Variants in NCOA7 observed in about 807,000 individuals in gnomAD.
NCOA7 encodes 140 kDa estrogen receptor-associated protein.
Under a neutral mutation model 104.3 loss-of-function variants are expected in NCOA7, and 45 were observed. The ratio of observed to expected loss-of-function variants is 0.43; its 90% CI spans 0.34 to 0.55. The LOEUF is 0.55. Ranked by LOEUF, NCOA7 falls within the 20% of genes least tolerant of loss-of-function variation. NCOA7 has a pLI of 0.02. For synonymous variants in NCOA7, 398 were observed against 402.3 expected (o/e 0.99, Z 0.13); for missense variants, 1,041 against 1,119.7 (o/e 0.93, Z 1.00).
At position 125,847,205 on chromosome 6, in the gene NCOA7, T is replaced by C. The variant is rs527325303; in HGVS notation, c.51-7815T>C. ...CATATACTTGTTACATTTTAAATACTGTATCTTTAGCCTTCTCTCTAATCT... is the reference window on the plus strand; with the variant it reads ...CATATACTTGTTACATTTTAAATACCGTATCTTTAGCCTTCTCTCTAATCT... On this transcript the variant is annotated intron_variant, in intron 2 of 15. Coordinates refer to ENST00000392477, the MANE Select transcript of NCOA7 (RefSeq NM_181782.5). 7.4e-4 allele frequency among the ~76,000 whole-genome samples: 113 copies of C among 152,348 alleles called. 3 individuals are homozygous for C. Among genetic ancestry groups the C allele is most frequent in the Admixed American group, 2.4e-3 (36 of 15,298 alleles).
intron 4 of NCOA7, among the ~76,000 whole-genome samples, chr6:125,877,362 C>T (rs1783468736): frequency 6.6e-6 from 1 of 152,198 alleles, no homozygotes; most frequent in Non-Finnish European, 1.5e-5. Context: ...CCTGGTGGAG[C>T]CAGTTCTGCT....
Position 125,931,502 on chromosome 6 carries a change from C to A in NCOA7, c.*2731C>A, listed in dbSNP as rs1788463447. The A allele has an allele frequency of 6.6e-6, 1 of 152,162 alleles. No homozygotes were observed. The highest frequency in any genetic ancestry group is 6.5e-5 in the Admixed American group (1 of 15,270). The allele number at this position is 152,162 out of a possible 1,614,324, so 9.4% of individuals were successfully genotyped here. A position where few individuals can be genotyped will look rare whatever the true frequency, so the allele number is the denominator to read the frequency against. On this transcript the variant is annotated 3_prime_UTR_variant, in exon 16 of 16. Transcript: ENST00000392477. ...CCCTAGATGTTGGGCTAGATGAAGA[C>A]CCCAAGCAGTCTTCATTGCTTCATA...
intron 2 of NCOA7, among the ~76,000 whole-genome samples, chr6:125,850,651 T>G (rs1781036734): frequency 6.6e-6 from 1 of 152,148 alleles, no homozygotes; most frequent in Non-Finnish European, 1.5e-5. Flanking sequence ...GTGGAAAAAT[T>G]CAAAAGATTA....
chr6:125,796,345 C>A lies in NCOA7; in HGVS notation c.-65+5278C>A, dbSNP rs1435099707. On this transcript the variant is annotated intron_variant, in intron 1 of 15. Coordinates refer to ENST00000392477, the MANE Select transcript of NCOA7 (RefSeq NM_181782.5). ...TTCTTCTCTCCCCACCCCCCACCCA[C>A]CTCAATATAAATCAGTAGTCCCTCA... Among the ~76,000 whole-genome samples, 5 of 37,784 alleles carry A rather than the reference C, an allele frequency of 1.3e-4. No individual in the cohort carries two copies. In the Admixed American group the frequency reaches 1.7e-3, roughly 13 times the overall value. The allele number at this position is 37,784 out of a possible 152,430, so 24.8% of individuals were successfully genotyped here. A position where few individuals can be genotyped will look rare whatever the true frequency, so the allele number is the denominator to read the frequency against.
intron 1 of NCOA7, among the ~76,000 whole-genome samples, chr6:125,808,507 AG>A (rs1776668408): frequency 6.6e-6 from 1 of 152,186 alleles, no homozygotes; most frequent in African/African-American, 2.4e-5. Context: ...TGTTTCCAAA[AG>A]TGATCCACTT....
intron 3 of NCOA7, among the ~76,000 whole-genome samples, chr6:125,873,127 A>T (rs1186103940): frequency 6.6e-6 from 1 of 152,194 alleles, no homozygotes; most frequent in Non-Finnish European, 1.5e-5. Context: ...TGTGATATAG[A>T]TGAAATGATA....
At chr6:125,788,698 A>ATTTTTTTTTTTTTTT (rs60048395), upstream of NCOA7, among the ~76,000 whole-genome samples, 195 of 121,830 alleles carry the variant, frequency 1.6e-3, no homozygotes, top group Non-Finnish European at 2.1e-3. Flanking sequence ...CACCCAGCTA[A>ATTTTTTTTTTTTTTT]TTTTTTTTTT....
Position 125,922,790 on chromosome 6 carries a change from C to T in NCOA7, c.2479C>T (p.Leu827=), listed in dbSNP as rs781583776. ...LKTLYRKSAS[L]DSPVLLVIKD... is the part of the protein sequence containing the mutation. ...GACGCTCTACCGGAAATCGGCATCA[C>T]TAGACAGTCCTGTCCTATTGGTCAT... The change falls in exon 13 of 16, where the codon CTA becomes TTA. Residue 827 remains leucine (L), a synonymous_variant. Coordinates refer to ENST00000392477, the MANE Select transcript of NCOA7 (RefSeq NM_181782.5). 1 of 1,614,162 alleles carries T rather than the reference C, an allele frequency of 6.2e-7. No homozygotes were observed. Among genetic ancestry groups the T allele is most frequent in the Admixed American group, 1.7e-5 (1 of 60,014 alleles).
intron 1 of NCOA7, among the ~76,000 whole-genome samples, chr6:125,811,697 C>CT (rs1162567333): frequency 6.6e-6 from 1 of 151,976 alleles, no homozygotes; most frequent in Non-Finnish European, 1.5e-5. Context: ...GCCATCTTTC[C>CT]TTTTTCTTCT....
At chr6:125,900,965 G>A (rs139030611) in intron 10 of NCOA7, among the ~76,000 whole-genome samples, 6 of 152,242 alleles carry the variant, frequency 3.9e-5, no homozygotes, top group African/African-American at 9.6e-5. Context: ...AAAGGCAGTC[G>A]TTTTCTAGCA....
chr6:125,883,809 T>C (rs1230060704), intron 7 of NCOA7, among the ~76,000 whole-genome samples: 2 of 147,040 alleles, frequency 1.4e-5, no homozygotes, highest in African/African-American at 5.0e-5. Flanking sequence ...ATCCTCTGCC[T>C]CCTGGGTTCA....
chr6:125,885,646 A>C (rs923278378), intron 8 of NCOA7, among the ~76,000 whole-genome samples: 2 of 152,360 alleles, frequency 1.3e-5, no homozygotes, highest in East Asian at 3.9e-4. Context: ...TGAAGGAAGA[A>C]AGGCAGTTCT....
intron 11 of NCOA7, among the ~76,000 whole-genome samples, chr6:125,917,526 C>T (rs569692228): frequency 1.3e-5 from 2 of 152,190 alleles, no homozygotes; most frequent in East Asian, 3.9e-4. Flanking sequence ...CCCCAACCTC[C>T]TTTGAGTGTC....
intron 1 of NCOA7, among the ~76,000 whole-genome samples, chr6:125,783,122 T>C (rs116082266): frequency 0.013 from 1,911 of 152,352 alleles, 32 homozygotes; most frequent in African/African-American, 0.044. Flanking sequence ...ATCTTGACTT[T>C]AGCCCACTGA....
At chr6:125,897,510 C>T (rs1785129270) in intron 10 of NCOA7, among the ~76,000 whole-genome samples, 1 of 152,056 alleles carries the variant, frequency 6.6e-6, no homozygotes, top group Non-Finnish European at 1.5e-5. Flanking sequence ...TATTATTTTT[C>T]CTGGAATTGG....
chr6:125,839,535 C>T (rs1288762422), intron 2 of NCOA7, among the ~76,000 whole-genome samples: 1 of 152,024 alleles, frequency 6.6e-6, no homozygotes, highest in Non-Finnish European at 1.5e-5. Context: ...GTGGCTAGAC[C>T]CCATCTAGAA....
At chr6:125,843,047 C>T (rs1780304661) in intron 2 of NCOA7, among the ~76,000 whole-genome samples, 1 of 152,100 alleles carries the variant, frequency 6.6e-6, no homozygotes, top group African/African-American at 2.4e-5. Context: ...GAATAGTGAC[C>T]CCCAAAGATA....
At chr6:125,926,683 T>C (rs1212915733) in intron 13 of NCOA7, among the ~76,000 whole-genome samples, 1 of 152,178 alleles carries the variant, frequency 6.6e-6, no homozygotes, top group Non-Finnish European at 1.5e-5. Context: ...GTGTTACAAG[T>C]ATAGCCAGGA....
At chr6:125,855,408 CTA>C in intron 3 of NCOA7, 168 bp downstream of exon 3, 1 of 563,002 alleles carries the variant, frequency 1.8e-6, no homozygotes, top group African/African-American at 1.9e-5. Context: ...GGGGATCACA[CTA>C]AAATAATGTC....
Sources: gnomAD v4.1 joint callset for allele counts (sites outside exome capture counted in the v4.1 genomes callset) on GRCh38, gnomAD v4.1.1 for gene constraint, MANE v1.5 for transcripts, NCBI Gene and HGNC (gene_info 2026-07-23, HGNC 2026-07-21) for gene names.